The following MYO1D variants were observed in gnomAD, a reference collection of about 807,000 sequenced individuals.
MYO1D encodes the protein myosin ID, also known as unconventional myosin-Id.
Under a neutral mutation model 122.0 loss-of-function variants are expected in MYO1D, and 83 were observed. That is an observed-to-expected ratio of 0.68 (90% CI 0.57 to 0.82). The LOEUF is 0.82. Among genes scored for constraint, MYO1D ranks in the 40% least tolerant of loss-of-function variants. MYO1D has a pLI of 0.00. For synonymous variants in MYO1D, 464 were observed against 446.9 expected (o/e 1.04, Z -0.48); for missense variants, 1,157 against 1,269.5 (o/e 0.91, Z 1.35).
At chr17:32,828,828 T>G (rs894314917) in intron 1 of MYO1D, among the ~76,000 whole-genome samples, 1 of 152,222 alleles carries the variant, frequency 6.6e-6, no homozygotes, top group Non-Finnish European at 1.5e-5. Context: ...CTCTATGGTG[T>G]TGTATTCTGT....
chr17:32,803,402 T>G (rs1023862148), intron 1 of MYO1D, among the ~76,000 whole-genome samples: 2 of 152,072 alleles, frequency 1.3e-5, no homozygotes, highest in Admixed American at 6.5e-5. Context: ...CGCCTCGTCC[T>G]CCCAAAGTGC....
At chr17:32,747,836 C>CA (rs1190910457) in intron 12 of MYO1D, among the ~76,000 whole-genome samples, 4 of 144,892 alleles carry the variant, frequency 2.8e-5, no homozygotes, top group Admixed American at 6.9e-5. Flanking sequence ...GACTCCATCT[C>CA]AAAAAAAAGG....
At chr17:32,613,836 GTTTA>G (rs144585000) in intron 20 of MYO1D, among the ~76,000 whole-genome samples, 82,028 of 139,060 alleles carry the variant, frequency 0.59, 24,497 homozygotes, top group Middle Eastern at 0.67. Context: ...ATATAACTCA[GTTTA>G]TTTATTAATA....
Position 32,638,889 on chromosome 17 carries a change from T to C in MYO1D, c.2596-54A>G, listed in dbSNP as rs530872832. 1,232 of 1,245,672 alleles carry C rather than the reference T, an allele frequency of 9.9e-4. 2 individuals are homozygous for C. Among genetic ancestry groups the C allele is most frequent in the Non-Finnish European group, 1.3e-3 (1,133 of 845,564 alleles). The allele number at this position is 1,245,672 out of a possible 1,614,324, so 77.2% of individuals were successfully genotyped here. A position where few individuals can be genotyped will look rare whatever the true frequency, so the allele number is the denominator to read the frequency against. On this transcript the variant is annotated intron_variant, in intron 19 of 21. Transcript: ENST00000318217. ...GTATCTCATCAATAAGGAAATCAAGTTGGCTGATTGTGAAGACAAATTCTT... is the reference window on the plus strand; with the variant it reads ...GTATCTCATCAATAAGGAAATCAAGCTGGCTGATTGTGAAGACAAATTCTT...
intron 16 of MYO1D, among the ~76,000 whole-genome samples, chr17:32,703,508 T>C (rs780967748): frequency 8.6e-5 from 13 of 151,888 alleles, no homozygotes; most frequent in Non-Finnish European, 1.9e-4. Context: ...ATTGAACTCC[T>C]GTGCTAAAGT....
intron 21 of MYO1D, among the ~76,000 whole-genome samples, chr17:32,571,862 AC>A: frequency 6.6e-6 from 1 of 152,278 alleles, no homozygotes; most frequent in African/African-American, 2.4e-5. Context: ...CAGTCCCTTA[AC>A]CCACTGCTGG....
At chr17:32,634,271 A>G (rs1394139849) in intron 20 of MYO1D, among the ~76,000 whole-genome samples, 1 of 152,198 alleles carries the variant, frequency 6.6e-6, no homozygotes, top group Non-Finnish European at 1.5e-5. Flanking sequence ...TAGCAGGAAG[A>G]AATGAGCACC....
intron 21 of MYO1D, among the ~76,000 whole-genome samples, chr17:32,549,971 C>G (rs2086997272): frequency 6.6e-6 from 1 of 152,018 alleles, no homozygotes; most frequent in South Asian, 2.1e-4. Flanking sequence ...ATGGAATGTG[C>G]CTAATTTAGT....
chr17:32,792,413 TCTA>T (rs2090362371), intron 1 of MYO1D: 1 of 146,670 alleles, frequency 6.8e-6, no homozygotes, highest in South Asian at 2.1e-4. Context: ...TTGACCCCTT[TCTA>T]CACTTATGCA....
chr17:32,566,844 T>TTTTTTTTTTTTTTTTTTTTTTTTGAG (rs1555626483), intron 21 of MYO1D, among the ~76,000 whole-genome samples: 2 of 147,028 alleles, frequency 1.4e-5, no homozygotes, highest in African/African-American at 5.1e-5. Context: ...AGCTTCTTTT[T>TTTTTTTTTTTTTTTTTTTTTTTTGAG]AACCAAATCA....
Position 32,520,127 on chromosome 17 carries a change from C to T in MYO1D, c.2865-25212G>A, listed in dbSNP as rs557474741. On this transcript the variant is annotated intron_variant, in intron 21 of 21. Transcript: ENST00000318217. The stretch of plus-strand genomic sequence containing the variant: ...CCTTTTTCTTTTTCTTATTCAAAGC[C>T]CAAACTCATGGTATCATCTCTTAAA... Among the ~76,000 whole-genome samples the T allele has an allele frequency of 1.9e-4, 29 of 152,104 alleles. No homozygotes were observed. The South Asian group carries it at 6.0e-3, about 32-fold the overall frequency.
Position 32,638,818 on chromosome 17 carries a change from C to T in MYO1D, c.2613G>A (p.Lys871=). The change falls in exon 20 of 22, where the codon AAG becomes AAA. Residue 871 remains lysine, a synonymous_variant. Transcript: ENST00000318217. The stretch of plus-strand genomic sequence containing the variant: ...TGACAAAAATTGCTCTGTCTTCCAC[C>T]TTACTAAATCGATTTACCTGTAAGA... ...CHVRKVNRFS[K]VEDRAIFVTD... is the part of the protein sequence containing the mutation. 1 of 1,612,966 alleles carries T rather than the reference C, an allele frequency of 6.2e-7. No individual in the cohort carries two copies. Among genetic ancestry groups the T allele is most frequent in the Non-Finnish European group, 8.5e-7 (1 of 1,179,028 alleles).
intron 8 of MYO1D, 76 bp from the exon 9 acceptor site, chr17:32,760,703 A>C: frequency 6.9e-7 from 1 of 1,441,080 alleles, no homozygotes; most frequent in Non-Finnish European, 9.4e-7. Flanking sequence ...ATCAGTTTTA[A>C]ATTCCTGTCC....
At chr17:32,519,234 C>G (rs1318050593) in intron 21 of MYO1D, 1 of 152,400 alleles carries the variant, frequency 6.6e-6, no homozygotes, top group Non-Finnish European at 1.5e-5. Flanking sequence ...CGCTTCAGCC[C>G]GGCACCGCTT....
At chr17:32,794,579 A>C (rs1323164117) in intron 1 of MYO1D, among the ~76,000 whole-genome samples, 1 of 151,940 alleles carries the variant, frequency 6.6e-6, no homozygotes, top group African/African-American at 2.4e-5. Context: ...CAGAAGAATA[A>C]ACAGCAGACT....
intron 21 of MYO1D, among the ~76,000 whole-genome samples, chr17:32,568,877 G>A (rs1164706580): frequency 6.6e-6 from 1 of 152,200 alleles, no homozygotes; most frequent in Admixed American, 6.5e-5. Flanking sequence ...TACAGGTCCA[G>A]CCTCTATGCT....
chr17:32,718,531 C>G (rs1322366642), intron 15 of MYO1D, among the ~76,000 whole-genome samples: 1 of 151,896 alleles, frequency 6.6e-6, no homozygotes, highest in East Asian at 1.9e-4. Flanking sequence ...AACTCTGTCT[C>G]TATTAAAAAT....
chr17:32,858,343 C>A (rs560416960), intron 1 of MYO1D, among the ~76,000 whole-genome samples: 1 of 152,322 alleles, frequency 6.6e-6, no homozygotes, highest in East Asian at 1.9e-4. Flanking sequence ...CTACCAAATG[C>A]CCCAATAAAT....
intron 21 of MYO1D, among the ~76,000 whole-genome samples, chr17:32,596,073 T>C (rs2087489340): frequency 6.6e-6 from 1 of 152,228 alleles, no homozygotes; most frequent in African/African-American, 2.4e-5. Flanking sequence ...AAGTGAATTG[T>C]GGCCACTCAC....
Sources: allele counts gnomAD v4.1 joint callset (sites outside exome capture counted in the v4.1 genomes callset), GRCh38; gene constraint gnomAD v4.1.1; transcripts MANE v1.5; gene names NCBI Gene and HGNC (gene_info 2026-07-23, HGNC 2026-07-21).